The following LATS2 variants were observed in gnomAD, a reference collection of about 807,000 sequenced individuals.
The protein encoded by LATS2 is large tumor suppressor kinase 2.
Under a neutral mutation model 76.0 loss-of-function variants are expected in LATS2, and 24 were observed. The observed-to-expected ratio is 0.32, with a 90% CI of 0.23 to 0.44. LATS2 has a LOEUF of 0.44. Among genes scored for constraint, LATS2 ranks in the 20% least tolerant of loss-of-function variants. The probability of loss-of-function intolerance (pLI) is 1.00; values close to 1 mark genes in which losing one functional copy is unlikely to be tolerated. For synonymous variants in LATS2, 692 were observed against 635.4 expected, an observed-to-expected ratio of 1.09 and a Z score of -1.34; for missense variants, 1,286 against 1,481.2, an observed-to-expected ratio of 0.87 and a Z score of 2.16.
intron 2 of LATS2, among the ~76,000 whole-genome samples, chr13:21,044,257 T>C (rs1218285015): frequency 6.6e-6 from 1 of 152,214 alleles, no homozygotes; most frequent in Non-Finnish European, 1.5e-5. Context: ...AATTCTCTAT[T>C]TAAGGTCTAT....
At chr13:21,015,704 A>G (rs899625444) in intron 2 of LATS2, among the ~76,000 whole-genome samples, 2 of 152,008 alleles carry the variant, frequency 1.3e-5, no homozygotes, top group African/African-American at 4.8e-5. Flanking sequence ...CATTTTATTT[A>G]TTTATTTATT....
chr13:21,040,984 T>C (rs1302003107), intron 2 of LATS2, among the ~76,000 whole-genome samples: 1 of 152,056 alleles, frequency 6.6e-6, no homozygotes, highest in Non-Finnish European at 1.5e-5. Context: ...CACCTTTTTT[T>C]TTTTCTGAGG....
At chr13:21,044,754 G>C (rs1248303536) in intron 2 of LATS2, among the ~76,000 whole-genome samples, 1 of 148,848 alleles carries the variant, frequency 6.7e-6, no homozygotes, top group Admixed American at 6.8e-5. Flanking sequence ...AATAGAGATA[G>C]GGTCTCGCTC....
Position 21,000,489 on chromosome 13 carries a change from GT to G in LATS2, c.343-9086del, listed in dbSNP as rs201475650. On this transcript the variant is annotated intron_variant, in intron 2 of 7. Transcript: ENST00000382592. ...AATATTTATTATCAAAAGTTATTAAGTTTTTTTTATCCCGATTTAATGATTT... is the reference window on the plus strand; with the variant it reads ...AATATTTATTATCAAAAGTTATTAAGTTTTTTTATCCCGATTTAATGATTT... Among the ~76,000 whole-genome samples the G allele has an allele frequency of 8.4e-3, 1,277 of 151,636 alleles. 19 individuals are homozygous for G. The highest frequency in any genetic ancestry group is 0.028 in the African/African-American group (1,138 of 41,232).
chr13:20,999,863 C>CAAAAA (rs34389397), intron 2 of LATS2, among the ~76,000 whole-genome samples: 1 of 136,178 alleles, frequency 7.3e-6, no homozygotes, highest in East Asian at 2.2e-4. Context: ...ACTAAACATA[C>CAAAAA]AAAAAAAAAA....
chr13:21,032,712 A>G (rs1444370222), intron 2 of LATS2, among the ~76,000 whole-genome samples: 1 of 152,174 alleles, frequency 6.6e-6, no homozygotes, highest in Non-Finnish European at 1.5e-5. Context: ...GAGGCCTACC[A>G]TGGTTCCCTG....
rs367984462 is a variant in LATS2, at chr13:20,981,342, C to T, written c.2665+124G>A. 2.3e-4 allele frequency: 194 copies of T among 860,752 alleles called. No individual in the cohort carries two copies. In the African/African-American group the frequency reaches 2.8e-3, roughly 12 times the overall value. 53.3% of individuals were successfully genotyped at this position (860,752 alleles called of 1,614,324 possible). A position where few individuals can be genotyped will look rare whatever the true frequency, so the allele number is the denominator to read the frequency against. The stretch of plus-strand genomic sequence containing the variant: ...GTTGCAGAAATTAGTAGCTTTCAGG[C>T]TTCTATGAGGACAAAAATATGACTG... On this transcript the variant is annotated intron_variant, in intron 6 of 7. Transcript: ENST00000382592.
chr13:20,989,173 C>T lies in LATS2; in HGVS notation c.607G>A (p.Ala203Thr), dbSNP rs746989618. The T allele has an allele frequency of 1.2e-6, 2 of 1,613,072 alleles. No homozygotes were observed. Among genetic ancestry groups the T allele is most frequent in the Admixed American group, 1.7e-5 (1 of 59,982 alleles). Residue 203 changes from alanine to threonine, a missense_variant, in exon 4 of 8, where the codon GCG (alanine) becomes ACG (threonine). Physicochemically the swap from Ala to Thr is moderately conservative, Grantham distance 58. This residue lies in a region of LATS2 where 710 missense variants were observed against 660.9 expected (regional missense o/e 1.07). Transcript: ENST00000382592. The part of the protein sequence containing the change: ...GPSFGADGPT[A>T]LEEMPRPYVD... ...TACGGCCGCGGCATCTCCTCCAGCG[C>T]CGTGGGGCCGTCAGCGCCGAAGCTT...
intron 2 of LATS2, among the ~76,000 whole-genome samples, chr13:21,036,233 T>C (rs922316384): frequency 2.0e-5 from 3 of 151,606 alleles, no homozygotes; most frequent in Non-Finnish European, 4.4e-5. Flanking sequence ...GGTTTCATCA[T>C]GTTGGCCAGG....
Position 20,989,038 on chromosome 13 carries a change from G to A in LATS2, c.742C>T (p.Leu248=). The A allele has an allele frequency of 6.4e-7, 1 of 1,567,906 alleles. No homozygotes were observed. Among genetic ancestry groups the A allele is most frequent in the Non-Finnish European group, 8.6e-7 (1 of 1,162,946 alleles). Residue 248 remains leucine, a synonymous_variant, in exon 4 of 8, where the codon CTG becomes TTG. Coordinates refer to ENST00000382592, the MANE Select transcript of LATS2 (RefSeq NM_014572.3). ...GGCCGCCCGTAGTGCGCGCCCTGCA[G>A]CGGGAAGTGTGCCCCTGCTGCCTCT... ...SVEAAGAHFP[L]QGAHYGRPHL... is the part of the protein sequence containing the mutation.
At chr13:20,981,797 C>G (rs1047534790) in intron 5 of LATS2, 149 bp from the exon 6 acceptor site, 3 of 690,818 alleles carry the variant, frequency 4.3e-6, no homozygotes, top group African/African-American at 1.8e-5. Context: ...CCCCGCTGAG[C>G]TGCTCCATAG....
intron 3 of LATS2, 129 bp from the exon 4 acceptor site, chr13:20,989,433 C>G: frequency 1.1e-6 from 1 of 918,004 alleles, no homozygotes; most frequent in Non-Finnish European, 1.7e-6. Flanking sequence ...CCCTGACGTG[C>G]TGCATTCTGC....
Position 20,987,873 on chromosome 13 carries a change from G to A in LATS2, c.1899+8C>T, listed in dbSNP as rs776306238. The A allele has an allele frequency of 6.2e-7, 1 of 1,610,004 alleles. No homozygotes were observed. Among genetic ancestry groups the A allele is most frequent in the South Asian group, 1.1e-5 (1 of 90,710 alleles). ...GGAACAAATAGTAAAAATGAAGTGTGAAATTACTTTGGCCATTTCTTGCTC... is the reference window on the plus strand; with the variant it reads ...GGAACAAATAGTAAAAATGAAGTGTAAAATTACTTTGGCCATTTCTTGCTC... On this transcript the variant is annotated splice_region_variant and intron_variant, in intron 4 of 7. Coordinates refer to ENST00000382592, the MANE Select transcript of LATS2 (RefSeq NM_014572.3).
chr13:20,998,331 A>C (rs1321267817), intron 2 of LATS2, among the ~76,000 whole-genome samples: 1 of 151,916 alleles, frequency 6.6e-6, no homozygotes. Context: ...CCAGCCTGGG[A>C]GACAGAGCAA....
chr13:21,010,360 G>A (rs1442393619), intron 2 of LATS2, among the ~76,000 whole-genome samples: 1 of 151,520 alleles, frequency 6.6e-6, no homozygotes, highest in East Asian at 1.9e-4. Flanking sequence ...AAAACCGAAA[G>A]GCCCCAGGGA....
chr13:21,004,459 A>T (rs1161800199), intron 2 of LATS2, among the ~76,000 whole-genome samples: 1 of 150,906 alleles, frequency 6.6e-6, no homozygotes, highest in African/African-American at 2.4e-5. Context: ...AAGCTTCTGT[A>T]ATGCAAGGGA....
rs540843742 is a variant in LATS2, at chr13:21,042,776, C to G, written c.342+2909G>C. On this transcript the variant is annotated intron_variant, in intron 2 of 7. Transcript: ENST00000382592. ...GGCCTAAGAGGGCGGATCACAAGGT[C>G]AGGAGATTGAGTCCATCCTGGCTAA... 6.7e-5 allele frequency among the ~76,000 whole-genome samples: 10 copies of G among 149,366 alleles called. No individual in the cohort carries two copies. In the South Asian group the frequency reaches 1.9e-3, roughly 29 times the overall value.
At position 21,038,002 on chromosome 13, in the gene LATS2, C is replaced by A. The variant is rs142945405; in HGVS notation, c.342+7683G>T. On this transcript the variant is annotated intron_variant, in intron 2 of 7. Transcript: ENST00000382592. ...GACACGGTGGCCCACGTTTGTAGTC[C>A]CAGCTACCTGGGTGGACCGCTTGAG... Among the ~76,000 whole-genome samples, 8 of 152,238 alleles carry A rather than the reference C, an allele frequency of 5.3e-5. No homozygotes were observed. In the East Asian group the frequency reaches 1.5e-3, roughly 29 times the overall value.
chr13:20,994,787 T>C (rs545021276), intron 2 of LATS2, among the ~76,000 whole-genome samples: 1 of 150,622 alleles, frequency 6.6e-6, no homozygotes, highest in Non-Finnish European at 1.5e-5. Flanking sequence ...ACTGAAGAGG[T>C]TGAGGCAGGA....
Sources: allele counts gnomAD v4.1 joint callset (sites outside exome capture counted in the v4.1 genomes callset), GRCh38; gene constraint gnomAD v4.1.1; regional missense constraint gnomAD v4.1.1; transcripts MANE v1.5; gene names NCBI Gene and HGNC (gene_info 2026-07-23, HGNC 2026-07-21).